The following TRAPPC9 variants were observed in gnomAD, a reference collection of about 807,000 sequenced individuals.
TRAPPC9 encodes the protein IKK2 binding protein.
TRAPPC9 carries 83 observed loss-of-function variants against 124.0 expected under a neutral mutation model. The ratio of observed to expected loss-of-function variants is 0.67; its 90% CI spans 0.56 to 0.80. The LOEUF (loss-of-function observed/expected upper bound fraction) is 0.80. Among genes scored for constraint, TRAPPC9 ranks in the 30% least tolerant of loss-of-function variants. The pLI is 0.00. For synonymous variants in TRAPPC9, 638 were observed against 617.5 expected (o/e 1.03, Z -0.49); for missense variants, 1,302 against 1,508.3 (o/e 0.86, Z 2.27).
chr8:140,296,569 A>G (rs1258048979), intron 11 of TRAPPC9, among the ~76,000 whole-genome samples: 4 of 152,218 alleles, frequency 2.6e-5, no homozygotes, highest in Non-Finnish European at 5.9e-5. Context: ...CTCGGCCAAC[A>G]ATTTCTTAAG....
At chr8:139,732,314 G>A in intron 21 of TRAPPC9, 112 bp from the exon 22 acceptor site, 1 of 1,011,222 alleles carries the variant, frequency 9.9e-7, no homozygotes, top group Non-Finnish European at 1.4e-6. Flanking sequence ...CTTCAAGGCT[G>A]CCACCCACTC....
intron 1 of TRAPPC9, 44 bp downstream of exon 1, chr8:140,457,595 C>T (rs2071730083): frequency 4.1e-6 from 4 of 985,654 alleles, no homozygotes; most frequent in Non-Finnish European, 4.8e-6. Flanking sequence ...TCCCCGCAGC[C>T]GGTCCGAATT....
At chr8:139,899,667 T>A (rs1306067827) in intron 20 of TRAPPC9, among the ~76,000 whole-genome samples, 1 of 152,202 alleles carries the variant, frequency 6.6e-6, no homozygotes, top group Non-Finnish European at 1.5e-5. Flanking sequence ...CCATCCCATC[T>A]TCCTTCTCTG....
intron 9 of TRAPPC9, among the ~76,000 whole-genome samples, chr8:140,327,150 G>A (rs1450166842): frequency 1.3e-5 from 2 of 152,118 alleles, no homozygotes; most frequent in Non-Finnish European, 1.5e-5. Flanking sequence ...CTACTCGGGA[G>A]ACTGAGACAG....
At chr8:140,256,174 C>G (rs943237311) in intron 15 of TRAPPC9, among the ~76,000 whole-genome samples, 5 of 152,304 alleles carry the variant, frequency 3.3e-5, no homozygotes, top group Non-Finnish European at 5.9e-5. Context: ...GTCTGGAAAC[C>G]CGCTTCAACA....
chr8:140,012,431 A>G (rs1200994922), intron 18 of TRAPPC9, among the ~76,000 whole-genome samples: 3 of 152,232 alleles, frequency 2.0e-5, no homozygotes, highest in African/African-American at 7.2e-5. Context: ...AAAGACTGAG[A>G]ATGAGAGGGA....
chr8:140,389,912 G>A (rs116462842), intron 7 of TRAPPC9, among the ~76,000 whole-genome samples: 5,121 of 151,946 alleles, frequency 0.034, 185 homozygotes, highest in African/African-American at 0.09. Context: ...GAAACCAGGG[G>A]AAGGTTAAAT....
At chr8:140,210,060 C>T (rs1040758205) in intron 17 of TRAPPC9, among the ~76,000 whole-genome samples, 7 of 152,190 alleles carry the variant, frequency 4.6e-5, no homozygotes, top group African/African-American at 7.2e-5. Flanking sequence ...ACACTGTCAC[C>T]GCGCTAAATC....
intron 21 of TRAPPC9, among the ~76,000 whole-genome samples, chr8:139,802,491 A>G (rs905888104): frequency 6.6e-6 from 1 of 152,202 alleles, no homozygotes; most frequent in Non-Finnish European, 1.5e-5. Flanking sequence ...CCACCCAGTG[A>G]GGACTCAGGC....
At chr8:139,889,936 G>C (rs1371831250) in intron 20 of TRAPPC9, among the ~76,000 whole-genome samples, 1 of 152,170 alleles carries the variant, frequency 6.6e-6, no homozygotes, top group Non-Finnish European at 1.5e-5. Flanking sequence ...TCAGCAGTCA[G>C]GCTGCATCTC....
chr8:140,093,348 G>A (rs962610258), intron 17 of TRAPPC9, among the ~76,000 whole-genome samples: 1 of 152,132 alleles, frequency 6.6e-6, no homozygotes. Flanking sequence ...TGAAGAACAA[G>A]CTCTTAAAGT....
intron 17 of TRAPPC9, chr8:140,096,650 A>G (rs1418400386): frequency 6.6e-6 from 1 of 152,248 alleles, no homozygotes; most frequent in African/African-American, 2.4e-5. Flanking sequence ...GTTGCCATCA[A>G]CAAAGTCAGG....
intron 21 of TRAPPC9, among the ~76,000 whole-genome samples, chr8:139,793,071 C>T (rs934428516): frequency 1.3e-5 from 2 of 152,116 alleles, no homozygotes; most frequent in Non-Finnish European, 2.9e-5. Context: ...CCAAGGCGGC[C>T]CAGCTGCCAG....
chr8:140,451,535 T>C (rs1374727423), intron 1 of TRAPPC9, 152 bp from the exon 2 acceptor site: 3 of 703,142 alleles, frequency 4.3e-6, no homozygotes, highest in Middle Eastern at 3.4e-4. Context: ...GCTCTACACG[T>C]GGCTGTCGCA....
At chr8:140,020,205 C>G (rs761197188) in intron 18 of TRAPPC9, among the ~76,000 whole-genome samples, 46 of 152,214 alleles carry the variant, frequency 3.0e-4, no homozygotes, top group Non-Finnish European at 6.2e-4. Flanking sequence ...GTTTCACCAA[C>G]TTTATGAATT....
At chr8:140,187,825 C>T (rs1441701927) in intron 17 of TRAPPC9, among the ~76,000 whole-genome samples, 1 of 152,146 alleles carries the variant, frequency 6.6e-6, no homozygotes, top group African/African-American at 2.4e-5. Flanking sequence ...CAGGCACACA[C>T]CATCATGTCT....
intron 21 of TRAPPC9, among the ~76,000 whole-genome samples, chr8:139,835,221 C>T (rs980237316): frequency 2.0e-5 from 3 of 152,206 alleles, no homozygotes; most frequent in Non-Finnish European, 2.9e-5. Flanking sequence ...AAATCCTCCC[C>T]CATCTGACCA....
At chr8:140,299,916 T>G (rs1235835812) in intron 11 of TRAPPC9, among the ~76,000 whole-genome samples, 1 of 152,176 alleles carries the variant, frequency 6.6e-6, no homozygotes, top group African/African-American at 2.4e-5. Flanking sequence ...CACCCTCCAC[T>G]CAGTCCTGAA....
At chr8:140,032,470 C>T (rs961795568) in intron 17 of TRAPPC9, among the ~76,000 whole-genome samples, 5 of 152,102 alleles carry the variant, frequency 3.3e-5, no homozygotes, top group Admixed American at 6.5e-5. Flanking sequence ...ACATGCTGTC[C>T]ACCTTTGTAT....
Sources: gnomAD v4.1 joint callset for allele counts (sites outside exome capture counted in the v4.1 genomes callset) on GRCh38, gnomAD v4.1.1 for gene constraint, MANE v1.5 for transcripts, NCBI Gene and HGNC (gene_info 2026-07-23, HGNC 2026-07-21) for gene names.